NBAS: variants seen among roughly 807,000 people sequenced by gnomAD.
NBAS encodes the protein NAG/BC035112 fusion.
A neutral mutation model predicts 302.5 loss-of-function variants in NBAS; 219 were observed. That is an observed-to-expected ratio of 0.72 (90% CI 0.65 to 0.81). NBAS has a LOEUF of 0.81. NBAS is among the 30% of genes least tolerant of loss of function. The pLI is 0.00. For synonymous variants in NBAS, 1,118 were observed against 1,021.6 expected (o/e 1.09, Z -1.80); for missense variants, 2,932 against 2,841.6 (o/e 1.03, Z -0.72).
chr2:15,379,697 G>T lies in NBAS; in HGVS notation c.3495C>A (p.Val1165=). ...CCAAGTCAATACTCTTTTCGTAGCT[G>T]ACCCTGTAGTGGGGTTTCCCTTTAT... ...IAHKGKPHYR[V]SYEKSIDLVL... The change falls in exon 30 of 52, where the codon GTC becomes GTA. Residue 1165 remains valine (V), a synonymous_variant. Coordinates refer to ENST00000281513, the MANE Select transcript of NBAS (RefSeq NM_015909.4). The T allele has an allele frequency of 6.2e-7, 1 of 1,614,046 alleles. No homozygotes were observed. The highest frequency in any genetic ancestry group is 1.1e-5 in the South Asian group (1 of 91,078).
In NBAS at chr2:15,194,231, A is replaced by T. The variant is rs1025594280; in HGVS notation, c.6433-3828T>A. Among the ~76,000 whole-genome samples the T allele has an allele frequency of 9.0e-4, 137 of 152,194 alleles. 2 individuals are homozygous for T. The highest frequency in any genetic ancestry group is 9.0e-3 in the Admixed American group (137 of 15,276). ...GCTAAATTATTCCCAAACAGGACAAACACAAAGAAATTCATGCCAAGTTAC... is the reference window on the plus strand; with the variant it reads ...GCTAAATTATTCCCAAACAGGACAATCACAAAGAAATTCATGCCAAGTTAC... On this transcript the variant is annotated intron_variant, in intron 48 of 51. Coordinates refer to ENST00000281513, the MANE Select transcript of NBAS (RefSeq NM_015909.4).
At chr2:15,425,579 A>C (rs145880535) in intron 22 of NBAS, among the ~76,000 whole-genome samples, 3 of 152,168 alleles carry the variant, frequency 2.0e-5, no homozygotes, top group African/African-American at 7.2e-5. Context: ...AATGCCTTTG[A>C]CAACCTACTT....
rs1202122598 is a variant in NBAS, at chr2:15,402,277, G to C, written c.2962C>G (p.Gln988Glu). 1 of 1,613,560 alleles carries C rather than the reference G, an allele frequency of 6.2e-7. No individual in the cohort carries two copies. Among genetic ancestry groups the C allele is most frequent in the Non-Finnish European group, 8.5e-7 (1 of 1,179,664 alleles). Residue 988 changes from glutamine to glutamate, a missense_variant, in exon 26 of 52, where the codon CAG becomes GAG. Gln to Glu is a conservative substitution (Grantham distance 29). Coordinates refer to ENST00000281513, the MANE Select transcript of NBAS (RefSeq NM_015909.4). Reference sequence around the variant, plus strand: ...AGTGCTATTGCCATCAGTTGGTCCTGATCAGGAATAATTTTTTGCTGCAGC... The same window carrying C: ...AGTGCTATTGCCATCAGTTGGTCCTCATCAGGAATAATTTTTTGCTGCAGC... ...PDLQQKIIPDQDQLMAIALEC... is the reference protein window; with the variant it reads ...PDLQQKIIPDEDQLMAIALEC...
chr2:15,448,069 T>C (rs1189390653), intron 21 of NBAS, among the ~76,000 whole-genome samples: 1 of 152,196 alleles, frequency 6.6e-6, no homozygotes, highest in Admixed American at 6.5e-5. Context: ...CATGGGAACT[T>C]GGCCTCCCAA....
the NBAS span, among the ~76,000 whole-genome samples, chr2:14,857,529 C>T: frequency 6.6e-6 from 1 of 152,098 alleles, no homozygotes; most frequent in Non-Finnish European, 1.5e-5. Context: ...CATACATCTA[C>T]AGTGAACTTA....
the NBAS span, chr2:14,890,831 A>G: frequency 6.6e-6 from 1 of 152,020 alleles, no homozygotes; most frequent in Admixed American, 6.8e-5. Context: ...CTCAAAACAA[A>G]CAAACAAACA....
the NBAS span, among the ~76,000 whole-genome samples, chr2:14,888,812 A>C: frequency 1.3e-5 from 2 of 152,154 alleles, no homozygotes; most frequent in Admixed American, 6.5e-5. Flanking sequence ...TGAAGATGTG[A>C]GTGAGAAAGC....
chr2:15,187,139 G>A (rs1050736582), intron 49 of NBAS, among the ~76,000 whole-genome samples: 2 of 152,042 alleles, frequency 1.3e-5, no homozygotes, highest in African/African-American at 2.4e-5. Flanking sequence ...AGACAGACTC[G>A]GGCCCAAATT....
At chr2:14,984,073 T>C in the NBAS span, among the ~76,000 whole-genome samples, 5 of 152,124 alleles carry the variant, frequency 3.3e-5, no homozygotes, top group Non-Finnish European at 7.4e-5. Context: ...AAACAATATA[T>C]AACCAATGAA....
intron 25 of NBAS, among the ~76,000 whole-genome samples, chr2:15,409,358 T>G (rs1275482192): frequency 6.6e-6 from 1 of 152,252 alleles, no homozygotes; most frequent in Non-Finnish European, 1.5e-5. Context: ...CATTGAATAC[T>G]GTCTGCTTAT....
the NBAS span, among the ~76,000 whole-genome samples, chr2:15,112,839 C>T: frequency 6.6e-6 from 1 of 151,930 alleles, no homozygotes; most frequent in Non-Finnish European, 1.5e-5. Context: ...TTGAGCTCTT[C>T]CTTAAATATT....
the NBAS span, among the ~76,000 whole-genome samples, chr2:15,062,315 C>T: frequency 1.3e-5 from 2 of 152,162 alleles, no homozygotes; most frequent in Admixed American, 6.5e-5. Context: ...CCTGTGTTAT[C>T]GCTAAACAGA....
chr2:14,985,061 T>C, the NBAS span, among the ~76,000 whole-genome samples: 2 of 152,160 alleles, frequency 1.3e-5, no homozygotes, highest in Non-Finnish European at 2.9e-5. Context: ...GTGAGAAATA[T>C]AAAAACCCAT....
chr2:15,465,053 T>C (rs73200666), intron 19 of NBAS, among the ~76,000 whole-genome samples: 2,446 of 152,342 alleles, frequency 0.016, 70 homozygotes, highest in African/African-American at 0.056. Context: ...GAGAAGATGA[T>C]AGTACCCATC....
the NBAS span, among the ~76,000 whole-genome samples, chr2:15,058,285 T>A: frequency 2.6e-5 from 4 of 152,140 alleles, no homozygotes; most frequent in African/African-American, 9.7e-5. Flanking sequence ...AGAGGAGTGT[T>A]ACTGGCAGCT....
intron 10 of NBAS, among the ~76,000 whole-genome samples, chr2:15,507,137 C>A (rs951202543): frequency 6.6e-6 from 1 of 152,198 alleles, no homozygotes; most frequent in East Asian, 1.9e-4. Context: ...TAACAAAATT[C>A]CTGATGTAAG....
At chr2:14,833,748 G>T in the NBAS span, among the ~76,000 whole-genome samples, 8 of 151,654 alleles carry the variant, frequency 5.3e-5, no homozygotes, top group Non-Finnish European at 4.4e-5. Context: ...ACCCTAATTA[G>T]CTATATGACT....
intron 44 of NBAS, among the ~76,000 whole-genome samples, chr2:15,273,944 T>C (rs528336863): frequency 2.0e-5 from 3 of 150,766 alleles, no homozygotes; most frequent in South Asian, 2.1e-4. Context: ...TAGCCAGGCA[T>C]GGTGGCGGGC....
At chr2:14,887,113 G>A in the NBAS span, among the ~76,000 whole-genome samples, 2 of 152,114 alleles carry the variant, frequency 1.3e-5, no homozygotes, top group African/African-American at 4.8e-5. Context: ...TTTTTTAAAC[G>A]ATAGAGGTGG....
Sources: allele counts gnomAD v4.1 joint callset (sites outside exome capture counted in the v4.1 genomes callset), GRCh38; gene constraint gnomAD v4.1.1; transcripts MANE v1.5; gene names NCBI Gene and HGNC (gene_info 2026-07-23, HGNC 2026-07-21).